BRINP1: variants seen among roughly 807,000 people sequenced by gnomAD.
The protein encoded by BRINP1 is BMP/retinoic acid inducible neural specific 1.
BRINP1 carries 17 observed loss-of-function variants against 72.9 expected under a neutral mutation model. That is an observed-to-expected ratio of 0.23 (90% confidence interval 0.16 to 0.35). BRINP1 has a LOEUF of 0.35. Among genes scored for constraint, BRINP1 ranks in the 10% least tolerant of loss-of-function variants. The pLI, the probability that BRINP1 is intolerant of heterozygous loss-of-function variation, is 1.00. For synonymous variants in BRINP1, 418 were observed against 378.5 expected (o/e 1.10, Z -1.21); for missense variants, 850 against 1,001.6 (o/e 0.85, Z 2.04).
At chr9:119,222,398 T>C (rs1361602374) in intron 5 of BRINP1, among the ~76,000 whole-genome samples, 1 of 152,116 alleles carries the variant, frequency 6.6e-6, no homozygotes, top group Non-Finnish European at 1.5e-5. Flanking sequence ...AGTTGAGCAG[T>C]TGCTACAGAG....
rs1446225013 is a variant in BRINP1, at chr9:119,369,407, G to C, written c.-402C>G. ...GCGCGCCAGATCAGTTTGCAGCCGTGGGGTCCGGGAGCGAGGCGGCTGGCG... is the reference window on the plus strand; with the variant it reads ...GCGCGCCAGATCAGTTTGCAGCCGTCGGGTCCGGGAGCGAGGCGGCTGGCG... On this transcript the variant is annotated 5_prime_UTR_variant, in exon 1 of 8. Coordinates refer to ENST00000265922, the MANE Select transcript of BRINP1 (RefSeq NM_014618.3). 1.3e-5 allele frequency: 5 copies of C among 396,080 alleles called. No homozygotes were observed. The East Asian group carries it at 1.4e-4, about 11-fold the overall frequency. 24.5% of individuals were successfully genotyped at this position (396,080 alleles called of 1,614,324 possible).
chr9:119,311,246 G>A (rs1340384853), intron 2 of BRINP1, among the ~76,000 whole-genome samples: 1 of 152,162 alleles, frequency 6.6e-6, no homozygotes, highest in Non-Finnish European at 1.5e-5. Context: ...AAGAAGGAAG[G>A]AATAACTAGA....
At chr9:119,196,651 A>T (rs1390259241) in intron 7 of BRINP1, among the ~76,000 whole-genome samples, 2 of 152,202 alleles carry the variant, frequency 1.3e-5, no homozygotes, top group African/African-American at 4.8e-5. Flanking sequence ...AGGAACAGTG[A>T]ATATGTGTCT....
At position 119,313,269 on chromosome 9, in the gene BRINP1, C is replaced by G; in HGVS notation, c.87G>C (p.Gly29=). 1 of 1,614,110 alleles carries G rather than the reference C, an allele frequency of 6.2e-7. No homozygotes were observed. Among genetic ancestry groups the G allele is most frequent in the Non-Finnish European group, 8.5e-7 (1 of 1,180,028 alleles). Residue 29 remains glycine, a synonymous_variant, in exon 2 of 8, where the codon GGG becomes GGC. Transcript: ENST00000265922. Reference sequence around the variant, plus strand: ...ATTCCTTGGAGACATGTTGGTCTGTCCCAGCTGGTTCCTGGTGGGAGGGCT... The same window carrying G: ...ATTCCTTGGAGACATGTTGGTCTGTGCCAGCTGGTTCCTGGTGGGAGGGCT... ...SVQPSHQEPA[G]TDQHVSKEFD...
At position 119,238,677 on chromosome 9, in the gene BRINP1, C is replaced by T. The variant is rs141954686; in HGVS notation, c.663G>A (p.Thr221=). ...DSVSSVLLQS[T]ESKLHLQGLQ... ...TACCTTGAAGGTGCAGTTTGCTCTC[C>T]GTGCTTTGCAGAAGGACGGAACTCA... Residue 221 remains threonine (T), a synonymous_variant, in exon 5 of 8, where the codon ACG becomes ACA. Transcript: ENST00000265922. 2.3e-4 allele frequency: 363 copies of T among 1,610,902 alleles called. No individual in the cohort carries two copies. Among genetic ancestry groups the T allele is most frequent in the East Asian group, 1.7e-3 (74 of 44,522 alleles).
At chr9:119,237,598 G>A (rs1365004740) in intron 5 of BRINP1, among the ~76,000 whole-genome samples, 3 of 151,750 alleles carry the variant, frequency 2.0e-5, no homozygotes, top group Admixed American at 6.6e-5. Context: ...TCCTGACCTC[G>A]TGATCCGCCC....
intron 2 of BRINP1, among the ~76,000 whole-genome samples, chr9:119,276,959 A>C (rs959668369): frequency 3.3e-5 from 5 of 152,140 alleles, no homozygotes; most frequent in African/African-American, 1.2e-4. Context: ...TCATCCCCCA[A>C]ATCTACTTTT....
intron 2 of BRINP1, among the ~76,000 whole-genome samples, chr9:119,259,188 C>A (rs916015037): frequency 1.6e-4 from 25 of 152,198 alleles, no homozygotes; most frequent in Non-Finnish European, 3.5e-4. Flanking sequence ...ACTTTACGGT[C>A]GGCCTGGTCT....
At chr9:119,252,114 G>A (rs1193944087) in intron 2 of BRINP1, among the ~76,000 whole-genome samples, 4 of 152,056 alleles carry the variant, frequency 2.6e-5, no homozygotes, top group African/African-American at 9.7e-5. Context: ...CTCACTCGCT[G>A]CCATGCTGTG....
At chr9:119,288,966 A>C (rs1830795937) in intron 2 of BRINP1, among the ~76,000 whole-genome samples, 1 of 152,096 alleles carries the variant, frequency 6.6e-6, no homozygotes. Flanking sequence ...ACACCTGGCT[A>C]ATTTTTTATA....
At chr9:119,351,684 G>A (rs1831508954) in intron 1 of BRINP1, among the ~76,000 whole-genome samples, 1 of 152,130 alleles carries the variant, frequency 6.6e-6, no homozygotes, top group Non-Finnish European at 1.5e-5. Context: ...CGATGTTTAG[G>A]GGCTTATTTT....
At chr9:119,355,004 G>C (rs975125431) in intron 1 of BRINP1, among the ~76,000 whole-genome samples, 2 of 152,192 alleles carry the variant, frequency 1.3e-5, no homozygotes, top group African/African-American at 4.8e-5. Context: ...GAATGACTTA[G>C]AAATTGAGAA....
chr9:119,351,865 G>A (rs60839786), intron 1 of BRINP1, among the ~76,000 whole-genome samples: 2,743 of 151,510 alleles, frequency 0.018, 104 homozygotes, highest in African/African-American at 0.064. Flanking sequence ...CAACTAGGCT[G>A]GAGTGCAGTG....
At chr9:119,169,445 C>G (rs997225626) in intron 7 of BRINP1, among the ~76,000 whole-genome samples, 2 of 152,214 alleles carry the variant, frequency 1.3e-5, no homozygotes, top group Non-Finnish European at 1.5e-5. Flanking sequence ...CGGCGCACCG[C>G]GAGATTATAT....
At chr9:119,307,042 T>TACTGATTTCCA (rs1190498470) in intron 2 of BRINP1, among the ~76,000 whole-genome samples, 2 of 151,962 alleles carry the variant, frequency 1.3e-5, no homozygotes, top group African/African-American at 2.4e-5. Context: ...TCTCAACCTC[T>TACTGATTTCCA]ACACAACTGA....
chr9:119,178,991 C>T (rs769759137), intron 7 of BRINP1, among the ~76,000 whole-genome samples: 64 of 152,158 alleles, frequency 4.2e-4, no homozygotes, highest in Non-Finnish European at 8.4e-4. Flanking sequence ...CTCCTCCACT[C>T]ACAGATAATT....
chr9:119,231,301 T>C (rs958591617), intron 5 of BRINP1, among the ~76,000 whole-genome samples: 9 of 152,048 alleles, frequency 5.9e-5, no homozygotes, highest in African/African-American at 1.9e-4. Context: ...TATGTGCTCC[T>C]ATCTAAGGCA....
chr9:119,176,013 A>T (rs1829484621), intron 7 of BRINP1, among the ~76,000 whole-genome samples: 1 of 152,156 alleles, frequency 6.6e-6, no homozygotes, highest in Non-Finnish European at 1.5e-5. Flanking sequence ...TTCCCACCAC[A>T]CAGAGCTATG....
chr9:119,314,907 T>C (rs1831110005), intron 1 of BRINP1, among the ~76,000 whole-genome samples: 2 of 152,180 alleles, frequency 1.3e-5, no homozygotes, highest in African/African-American at 4.8e-5. Context: ...ATGATGAGGA[T>C]AATGATGATG....
Sources: allele counts gnomAD v4.1 joint callset (sites outside exome capture counted in the v4.1 genomes callset), GRCh38; gene constraint gnomAD v4.1.1; transcripts MANE v1.5; gene names NCBI Gene and HGNC (gene_info 2026-07-23, HGNC 2026-07-21).